The following SPOCK3 variants were observed in gnomAD, a reference collection of about 807,000 sequenced individuals.
The protein encoded by SPOCK3 is testican-3.
SPOCK3 carries 30 observed loss-of-function variants against 56.6 expected under a neutral mutation model. That is an observed-to-expected ratio of 0.53 (90% CI 0.40 to 0.72). The LOEUF (loss-of-function observed/expected upper bound fraction) is 0.72, where lower values mean the gene tolerates loss of function less well. Among genes scored for constraint, SPOCK3 ranks in the 30% least tolerant of loss-of-function variants. The pLI is 0.00. For synonymous variants in SPOCK3, 196 were observed against 183.3 expected, an observed-to-expected ratio of 1.07 and a Z score of -0.56; for missense variants, 527 against 530.0, an observed-to-expected ratio of 0.99 and a Z score of 0.06.
intron 8 of SPOCK3, among the ~76,000 whole-genome samples, chr4:166,748,611 G>A (rs1257460374): frequency 1.5e-5 from 2 of 136,708 alleles, no homozygotes; most frequent in East Asian, 2.0e-4. Flanking sequence ...AAAAGCAATG[G>A]CAACAAAAGC....
At chr4:166,908,896 A>G (rs986883346) in intron 5 of SPOCK3, among the ~76,000 whole-genome samples, 7 of 152,070 alleles carry the variant, frequency 4.6e-5, no homozygotes, top group African/African-American at 1.7e-4. Flanking sequence ...GAAGGCCTTC[A>G]TCTTTTGTGT....
At chr4:166,796,352 G>A (rs1039724372) in intron 6 of SPOCK3, among the ~76,000 whole-genome samples, 2 of 152,136 alleles carry the variant, frequency 1.3e-5, no homozygotes, top group African/African-American at 4.8e-5. Flanking sequence ...AAAATACAGA[G>A]GTCCAAGCAG....
At chr4:167,171,721 T>G (rs1224548609) in intron 2 of SPOCK3, among the ~76,000 whole-genome samples, 1 of 152,116 alleles carries the variant, frequency 6.6e-6, no homozygotes, top group Admixed American at 6.6e-5. Flanking sequence ...TTTGATTATA[T>G]CTAACTTTGC....
At chr4:166,777,549 C>T (rs1344739183) in intron 7 of SPOCK3, among the ~76,000 whole-genome samples, 2 of 152,052 alleles carry the variant, frequency 1.3e-5, no homozygotes, top group African/African-American at 4.8e-5. Flanking sequence ...GGCAAGGTGG[C>T]AGGATCACCC....
At chr4:167,019,883 T>C (rs1050929423) in intron 3 of SPOCK3, among the ~76,000 whole-genome samples, 6 of 152,128 alleles carry the variant, frequency 3.9e-5, no homozygotes, top group African/African-American at 1.4e-4. Flanking sequence ...TCCTTCACCA[T>C]CCTCTGTGAT....
chr4:167,218,827 C>A (rs1384072415), intron 2 of SPOCK3, among the ~76,000 whole-genome samples: 1 of 152,014 alleles, frequency 6.6e-6, no homozygotes, highest in Non-Finnish European at 1.5e-5. Context: ...AGAAAGTTAG[C>A]ATATTTAATC....
At chr4:167,038,202 A>G (rs1333691703) in intron 3 of SPOCK3, among the ~76,000 whole-genome samples, 1 of 152,170 alleles carries the variant, frequency 6.6e-6, no homozygotes, top group African/African-American at 2.4e-5. Context: ...AACTTCAAAA[A>G]TTTTAGGATT....
intron 3 of SPOCK3, among the ~76,000 whole-genome samples, chr4:167,055,510 A>T (rs1361309258): frequency 3.3e-5 from 5 of 152,186 alleles, no homozygotes; most frequent in Admixed American, 3.3e-4. Flanking sequence ...ATTGCCTCAC[A>T]TGGGAAGCCC....
chr4:167,141,295 C>A (rs892198529), intron 2 of SPOCK3, among the ~76,000 whole-genome samples: 1 of 152,006 alleles, frequency 6.6e-6, no homozygotes, highest in Non-Finnish European at 1.5e-5. Flanking sequence ...TTTTTCCAGA[C>A]GTCCTAGTGC....
intron 7 of SPOCK3, among the ~76,000 whole-genome samples, chr4:166,765,519 G>T (rs567430258): frequency 6.6e-6 from 1 of 152,234 alleles, no homozygotes; most frequent in African/African-American, 2.4e-5. Context: ...TTATTTCTGA[G>T]GGCTCTGTTC....
At chr4:167,180,168 A>G (rs907212789) in intron 2 of SPOCK3, among the ~76,000 whole-genome samples, 11 of 152,190 alleles carry the variant, frequency 7.2e-5, no homozygotes, top group African/African-American at 2.7e-4. Context: ...GCACCTTGAT[A>G]GAGAAGAGCC....
chr4:166,797,354 C>A (rs1337600123), intron 6 of SPOCK3, among the ~76,000 whole-genome samples: 2 of 89,832 alleles, frequency 2.2e-5, no homozygotes, highest in Non-Finnish European at 4.5e-5. Context: ...TTTATTTGAT[C>A]TTTTTTATTC....
chr4:166,980,425 T>C (rs768668982), intron 4 of SPOCK3, among the ~76,000 whole-genome samples: 1 of 152,252 alleles, frequency 6.6e-6, no homozygotes, highest in Non-Finnish European at 1.5e-5. Context: ...CCTTTGGGTG[T>C]CACTTTTCCA....
At chr4:167,071,672 G>A (rs544834763) in intron 2 of SPOCK3, among the ~76,000 whole-genome samples, 54 of 151,980 alleles carry the variant, frequency 3.6e-4, no homozygotes, top group Admixed American at 2.1e-3. Flanking sequence ...GAATAGTGCC[G>A]CAATAAACAT....
At chr4:166,905,923 C>A (rs754120784) in intron 5 of SPOCK3, among the ~76,000 whole-genome samples, 3 of 151,818 alleles carry the variant, frequency 2.0e-5, no homozygotes, top group South Asian at 2.1e-4. Context: ...TTATGAAATT[C>A]TATACTGAAA....
chr4:166,751,454 T>C (rs1368274554), intron 8 of SPOCK3, among the ~76,000 whole-genome samples: 1 of 152,182 alleles, frequency 6.6e-6, no homozygotes, highest in Admixed American at 6.6e-5. Flanking sequence ...TTATATATAA[T>C]TACTTTGTTA....
intron 6 of SPOCK3, among the ~76,000 whole-genome samples, chr4:166,866,018 T>C (rs151259216): frequency 3.3e-5 from 5 of 152,112 alleles, no homozygotes; most frequent in African/African-American, 1.2e-4. Flanking sequence ...CATTGCTACC[T>C]GACTTCACAG....
At chr4:167,199,359 C>G (rs1340601286) in intron 2 of SPOCK3, among the ~76,000 whole-genome samples, 1 of 151,782 alleles carries the variant, frequency 6.6e-6, no homozygotes, top group East Asian at 1.9e-4. Flanking sequence ...GTGAGATATT[C>G]TCCAGGTATT....
At chr4:166,959,068 T>TA (rs1183157575) in intron 4 of SPOCK3, among the ~76,000 whole-genome samples, 28 of 152,316 alleles carry the variant, frequency 1.8e-4, no homozygotes, top group African/African-American at 6.5e-4. Flanking sequence ...CAATTGATGC[T>TA]ATAAGCATAG....
Sources: gnomAD v4.1 joint callset for allele counts (sites outside exome capture counted in the v4.1 genomes callset) on GRCh38, gnomAD v4.1.1 for gene constraint, MANE v1.5 for transcripts, NCBI Gene and HGNC (gene_info 2026-07-23, HGNC 2026-07-21) for gene names.